UBE2D3: variants seen among roughly 807,000 people sequenced by gnomAD.
UBE2D3 encodes the protein ubiquitin conjugating enzyme E2 D3, also known as ubiquitin-conjugating enzyme E2 D3.
Under a neutral mutation model 22.8 loss-of-function variants are expected in UBE2D3, and 2 were observed. That is an observed-to-expected ratio of 0.09 (90% confidence interval 0.04 to 0.28). The LOEUF is 0.28. Among genes scored for constraint, UBE2D3 ranks in the 10% least tolerant of loss-of-function variants. UBE2D3 has a pLI of 1.00. For synonymous variants in UBE2D3, 56 were observed against 60.4 expected, an observed-to-expected ratio of 0.93 and a Z score of 0.34; for missense variants, 27 against 182.5, an observed-to-expected ratio of 0.15 and a Z score of 4.91.
upstream of UBE2D3, among the ~76,000 whole-genome samples, chr4:102,831,760 T>C (rs984893561): frequency 2.0e-5 from 3 of 152,176 alleles, no homozygotes; most frequent in Non-Finnish European, 4.4e-5. Flanking sequence ...AAAAAATATA[T>C]ATTTGTAATA....
At chr4:102,827,738 C>T (rs1025565724), upstream of UBE2D3, 21 of 985,834 alleles carry the variant, frequency 2.1e-5, no homozygotes, top group Non-Finnish European at 2.4e-5. Flanking sequence ...ACAGCACCTT[C>T]TTACTAAACA....
chr4:102,862,894 A>C (rs1174807399), intron 1 of UBE2D3, among the ~76,000 whole-genome samples: 1 of 152,108 alleles, frequency 6.6e-6, no homozygotes, highest in African/African-American at 2.4e-5. Context: ...GCTGTACAAG[A>C]AGCATGATGC....
intron 1 of UBE2D3, among the ~76,000 whole-genome samples, chr4:102,838,357 A>C (rs1384408524): frequency 6.6e-6 from 1 of 152,158 alleles, no homozygotes; most frequent in Non-Finnish European, 1.5e-5. Context: ...GTGTTCAGTG[A>C]TGTTCTTTGG....
At position 102,864,231 on chromosome 4, in the gene UBE2D3, G is replaced by C. The variant is rs527956352; in HGVS notation, c.-129+4484C>G. 2.6e-5 allele frequency among the ~76,000 whole-genome samples: 4 copies of C among 152,206 alleles called. No homozygotes were observed. The South Asian group carries it at 8.3e-4, about 32-fold the overall frequency. ...TGTAGTCTAAACAGTGTGGCTCCAA[G>C]AGTCTACAGTCTTAACTATAATGCT... On this transcript the variant is annotated intron_variant, in intron 1 of 7. Coordinates refer to the UBE2D3 transcript ENST00000338145.
At chr4:102,860,404 G>GGTGTGTGTGTGT (rs540255423) in intron 1 of UBE2D3, among the ~76,000 whole-genome samples, 70 of 122,838 alleles carry the variant, frequency 5.7e-4, no homozygotes, top group African/African-American at 2.2e-3. Flanking sequence ...ATGTTTTCCT[G>GGTGTGTGTGTGT]GTGTGTGTGT....
At chr4:102,860,864 T>TTGAG (rs1427449460) in intron 1 of UBE2D3, among the ~76,000 whole-genome samples, 1 of 151,732 alleles carries the variant, frequency 6.6e-6, no homozygotes, top group Non-Finnish European at 1.5e-5. Flanking sequence ...TGCTTGTCAG[T>TTGAG]TGAGGGGTTC....
At chr4:102,855,862 TA>T (rs1200573122) in intron 1 of UBE2D3, among the ~76,000 whole-genome samples, 2 of 152,122 alleles carry the variant, frequency 1.3e-5, no homozygotes, top group Non-Finnish European at 2.9e-5. Context: ...AACTAAATAA[TA>T]AACAATTTTG....
intron 1 of UBE2D3, among the ~76,000 whole-genome samples, chr4:102,849,294 G>T (rs369658310): frequency 6.9e-6 from 1 of 145,748 alleles, no homozygotes; most frequent in East Asian, 2.1e-4. Context: ...AGCCCAGGAG[G>T]TTGAGGCTGC....
chr4:102,836,676 G>A (rs531127801), intron 1 of UBE2D3, among the ~76,000 whole-genome samples: 1 of 152,274 alleles, frequency 6.6e-6, no homozygotes, highest in African/African-American at 2.4e-5. Context: ...TCTCCTGACT[G>A]GTTAGGATTA....
chr4:102,857,258 T>G (rs1171612579), intron 1 of UBE2D3, among the ~76,000 whole-genome samples: 1 of 152,226 alleles, frequency 6.6e-6, no homozygotes, highest in Non-Finnish European at 1.5e-5. Context: ...TCTTAAAGCT[T>G]TGTATAGAAT....
chr4:102,810,326 AG>A (rs1301212961), intron 2 of UBE2D3: 1 of 152,066 alleles, frequency 6.6e-6, no homozygotes, highest in Non-Finnish European at 1.5e-5. Flanking sequence ...CATGGGGCTA[AG>A]TACCTTTTTT....
upstream of UBE2D3, chr4:102,827,637 A>C: frequency 2.0e-6 from 2 of 986,750 alleles, no homozygotes; most frequent in African/African-American, 3.5e-5. Flanking sequence ...CGTCCCGAGC[A>C]CAAGACCGAT....
At chr4:102,863,914 A>G (rs1391897850) in intron 1 of UBE2D3, among the ~76,000 whole-genome samples, 2 of 152,240 alleles carry the variant, frequency 1.3e-5, no homozygotes, top group Non-Finnish European at 2.9e-5. Context: ...TACATACTCA[A>G]TAGCCATGTT....
At chr4:102,836,223 T>C (rs535135408) in intron 1 of UBE2D3, among the ~76,000 whole-genome samples, 101 of 149,210 alleles carry the variant, frequency 6.8e-4, no homozygotes, top group African/African-American at 2.4e-3. Context: ...CTTGGCTTAC[T>C]GTAACCTCTG....
chr4:102,868,766 C>T (rs1733310442), exon 1 of UBE2D3: 1 of 1,614,122 alleles, frequency 6.2e-7, no homozygotes, highest in South Asian at 1.1e-5. Context: ...TATCTCATCG[C>T]ACACAGTATC....
intron 1 of UBE2D3, 46 bp downstream of exon 1, chr4:102,827,381 G>T: frequency 1.0e-6 from 1 of 985,924 alleles, no homozygotes; most frequent in Non-Finnish European, 1.2e-6. Context: ...GCCGGCCACT[G>T]GGCCGGCCTC....
At chr4:102,833,310 TTGAC>T (rs1731215866) in intron 1 of UBE2D3, among the ~76,000 whole-genome samples, 1 of 152,198 alleles carries the variant, frequency 6.6e-6, no homozygotes, top group Admixed American at 6.5e-5. Flanking sequence ...TGTTCATTCT[TTGAC>T]TGATATCATT....
rs918312291 is a variant in UBE2D3, at chr4:102,844,908, G to C, written c.-128-18272C>G. The stretch of plus-strand genomic sequence containing the variant: ...ATGGTGGTGGGCGCCTGTAGTCCCA[G>C]CTACTTGGGAGGCTGAGGCAGGAGA... On this transcript the variant is annotated intron_variant, in intron 1 of 7. Transcript: ENST00000338145. 1.8e-4 allele frequency among the ~76,000 whole-genome samples: 27 copies of C among 151,752 alleles called. 1 individual carries two copies. The highest frequency in any genetic ancestry group is 6.5e-4 in the African/African-American group (27 of 41,364).
At chr4:102,799,523 G>A (rs368284611) in intron 6 of UBE2D3, 23 bp from the exon 7 acceptor site, 60 of 1,574,678 alleles carry the variant, frequency 3.8e-5, no homozygotes, top group Non-Finnish European at 5.1e-5. Context: ...AAAAACATCT[G>A]TTACCCAGTT....
Sources: allele counts gnomAD v4.1 joint callset (sites outside exome capture counted in the v4.1 genomes callset), GRCh38; gene constraint gnomAD v4.1.1; transcripts MANE v1.5; gene names NCBI Gene and HGNC (gene_info 2026-07-23, HGNC 2026-07-21).